Variants in LOC400499 observed in about 807,000 individuals in gnomAD.
the LOC400499 span, among the ~76,000 whole-genome samples, chr16:11,416,134 G>C: frequency 6.6e-6 from 1 of 151,816 alleles, no homozygotes. Flanking sequence ...ATTTTTTGTA[G>C]AGACAGGGTT....
the LOC400499 span, among the ~76,000 whole-genome samples, chr16:11,519,958 C>A: frequency 2.6e-5 from 4 of 152,136 alleles, no homozygotes; most frequent in Non-Finnish European, 4.4e-5. Context: ...CCGCCTCGGC[C>A]TCCCAATGAG....
the LOC400499 span, among the ~76,000 whole-genome samples, chr16:11,466,729 T>C: frequency 6.6e-6 from 1 of 152,140 alleles, no homozygotes; most frequent in East Asian, 1.9e-4. Flanking sequence ...CTGGCTACCA[T>C]ATGGGAGAGT....
At chr16:11,449,627 G>A in the LOC400499 span, among the ~76,000 whole-genome samples, 2 of 152,218 alleles carry the variant, frequency 1.3e-5, no homozygotes, top group African/African-American at 4.8e-5. Context: ...GGTCTCACCA[G>A]GAGAAGTGAC....
chr16:11,406,030 T>C, the LOC400499 span, among the ~76,000 whole-genome samples: 1 of 152,204 alleles, frequency 6.6e-6, no homozygotes, highest in African/African-American at 2.4e-5. Context: ...AAAAAATGTA[T>C]TTTAGATTGA....
chr16:11,525,700 G>A, the LOC400499 span, among the ~76,000 whole-genome samples: 2 of 152,104 alleles, frequency 1.3e-5, no homozygotes, highest in Non-Finnish European at 2.9e-5. Context: ...AAGCAGCCTG[G>A]CCCACCAGCC....
chr16:11,404,441 G>C, the LOC400499 span, among the ~76,000 whole-genome samples: 1 of 152,102 alleles, frequency 6.6e-6, no homozygotes, highest in African/African-American at 2.4e-5. Context: ...CTGCCTCCCA[G>C]GTTCAAGCGA....
the LOC400499 span, among the ~76,000 whole-genome samples, chr16:11,398,768 T>C: frequency 1.3e-5 from 2 of 151,796 alleles, no homozygotes; most frequent in Non-Finnish European, 2.9e-5. Context: ...CAAGCGATTC[T>C]CCCACCTCAG....
chr16:11,496,618 G>A, the LOC400499 span, among the ~76,000 whole-genome samples: 1 of 152,176 alleles, frequency 6.6e-6, no homozygotes, highest in Non-Finnish European at 1.5e-5. Flanking sequence ...TCCCCATGTG[G>A]GCATCTCGTG....
the LOC400499 span, among the ~76,000 whole-genome samples, chr16:11,420,086 A>T: frequency 6.7e-6 from 1 of 149,072 alleles, no homozygotes; most frequent in South Asian, 2.1e-4. Flanking sequence ...CAGCCATCCC[A>T]TTACTGGGTA....
At chr16:11,469,736 C>G in the LOC400499 span, 2 of 398,722 alleles carry the variant, frequency 5.0e-6, no homozygotes, top group Non-Finnish European at 4.4e-6. Context: ...CATTGTTGTC[C>G]TCACAATCCC....
chr16:11,430,960 G>T, the LOC400499 span: 54 of 398,432 alleles, frequency 1.4e-4, no homozygotes, highest in East Asian at 6.1e-4. Flanking sequence ...CACTGGACTT[G>T]GGTGGAAATG....
At chr16:11,384,310 A>G in the LOC400499 span, 3 of 1,231,450 alleles carry the variant, frequency 2.4e-6, no homozygotes, top group Non-Finnish European at 3.0e-6. Context: ...GGTGCCCAGA[A>G]GGCCAGCGGA....
the LOC400499 span, among the ~76,000 whole-genome samples, chr16:11,446,126 G>A: frequency 6.6e-6 from 1 of 151,578 alleles, no homozygotes; most frequent in African/African-American, 2.4e-5. Context: ...CACCTGGCCA[G>A]GAGAACTTTT....
the LOC400499 span, among the ~76,000 whole-genome samples, chr16:11,473,546 G>C: frequency 6.6e-6 from 1 of 152,112 alleles, no homozygotes; most frequent in Non-Finnish European, 1.5e-5. Flanking sequence ...CCCGAGGTCA[G>C]GAGTTCAAGA....
chr16:11,452,093 T>C, the LOC400499 span, among the ~76,000 whole-genome samples: 1 of 152,122 alleles, frequency 6.6e-6, no homozygotes, highest in Non-Finnish European at 1.5e-5. Context: ...TTCTATTTCA[T>C]TCATGTTCTT....
the LOC400499 span, chr16:11,469,508 C>T: frequency 2.5e-5 from 10 of 399,060 alleles, no homozygotes; most frequent in South Asian, 1.3e-4. Context: ...TTGACATTAC[C>T]GTCCAGCTCG....
At chr16:11,506,008 G>C in the LOC400499 span, among the ~76,000 whole-genome samples, 1 of 151,950 alleles carries the variant, frequency 6.6e-6, no homozygotes, top group African/African-American at 2.4e-5. Context: ...CCATTAGTCA[G>C]CTATGCTAAA....
At chr16:11,423,314 G>T in the LOC400499 span, 1 of 399,072 alleles carries the variant, frequency 2.5e-6, no homozygotes, top group Non-Finnish European at 4.4e-6. Context: ...AGAGTGAACC[G>T]TCGTGGATGC....
the LOC400499 span, among the ~76,000 whole-genome samples, chr16:11,466,098 C>T: frequency 9.2e-3 from 1,401 of 152,264 alleles, 22 homozygotes; most frequent in African/African-American, 0.032. Context: ...GACTATTACA[C>T]AGCAATTTGC....
Sources: allele counts gnomAD v4.1 joint callset (sites outside exome capture counted in the v4.1 genomes callset), GRCh38; gene constraint gnomAD v4.1.1; transcripts MANE v1.5.